MACROD2: variants seen among roughly 807,000 people sequenced by gnomAD.
MACROD2 encodes the protein ADP-ribose glycohydrolase MACROD2.
In MACROD2, 36 loss-of-function variants were observed where a neutral mutation model predicts 70.4. That is an observed-to-expected ratio of 0.51 (90% CI 0.39 to 0.68). The LOEUF is 0.68. Ranked by LOEUF, MACROD2 falls within the 30% of genes least tolerant of loss-of-function variation. The pLI, the probability that MACROD2 is intolerant of heterozygous loss-of-function variation, is 0.00. For missense variants in MACROD2, 496 were observed against 538.4 expected (o/e 0.92, Z 0.78); for synonymous variants, 172 against 178.8 (o/e 0.96, Z 0.30).
intron 8 of MACROD2, among the ~76,000 whole-genome samples, chr20:15,733,456 G>C (rs903256478): frequency 2.0e-5 from 3 of 151,852 alleles, no homozygotes; most frequent in African/African-American, 7.3e-5. Flanking sequence ...GCTGATTTTA[G>C]ATCTTTCTTT....
chr20:14,113,439 G>T (rs1451370384), intron 3 of MACROD2, among the ~76,000 whole-genome samples: 2 of 151,968 alleles, frequency 1.3e-5, no homozygotes, highest in Non-Finnish European at 2.9e-5. Flanking sequence ...AATTATCAGA[G>T]AATTATGTTT....
At chr20:15,776,129 T>A (rs1161993850) in intron 8 of MACROD2, among the ~76,000 whole-genome samples, 1 of 152,148 alleles carries the variant, frequency 6.6e-6, no homozygotes, top group African/African-American at 2.4e-5. Context: ...AAATACAGAT[T>A]TCTGGCTTCT....
chr20:15,505,073 T>C (rs944543923), intron 8 of MACROD2, among the ~76,000 whole-genome samples: 1 of 152,222 alleles, frequency 6.6e-6, no homozygotes, highest in Non-Finnish European at 1.5e-5. Flanking sequence ...ATATGGCATT[T>C]GGCTATTGGT....
chr20:15,234,012 C>CTTTTTTTTTTTTT (rs1177498607), intron 6 of MACROD2, among the ~76,000 whole-genome samples: 6 of 29,184 alleles, frequency 2.1e-4, no homozygotes, highest in Non-Finnish European at 3.5e-4. Context: ...TATATATATT[C>CTTTTTTTTTTTTT]TTTTTTTTTT....
intron 5 of MACROD2, among the ~76,000 whole-genome samples, chr20:14,946,388 G>T (rs986593142): frequency 1.3e-5 from 2 of 151,956 alleles, no homozygotes; most frequent in African/African-American, 4.8e-5. Context: ...TAAAGAAGAT[G>T]ATATATATCA....
intron 8 of MACROD2, among the ~76,000 whole-genome samples, chr20:15,825,669 A>G (rs1484712583): frequency 2.6e-5 from 4 of 152,122 alleles, no homozygotes; most frequent in African/African-American, 9.7e-5. Flanking sequence ...GATAGATACT[A>G]ATGATATGTA....
chr20:14,413,195 G>GTTT (rs11087089), intron 3 of MACROD2, among the ~76,000 whole-genome samples: 1 of 145,302 alleles, frequency 6.9e-6, no homozygotes, highest in Non-Finnish European at 1.5e-5. Context: ...CTTTACCACT[G>GTTT]TTTTTTTTTT....
At chr20:14,010,758 A>G (rs1425431015) in intron 2 of MACROD2, among the ~76,000 whole-genome samples, 1 of 151,798 alleles carries the variant, frequency 6.6e-6, no homozygotes, top group Non-Finnish European at 1.5e-5. Flanking sequence ...TTAGCTCTTG[A>G]ATTTCTCCAG....
At chr20:15,898,972 ATG>A (rs982353093) in intron 10 of MACROD2, among the ~76,000 whole-genome samples, 3 of 151,678 alleles carry the variant, frequency 2.0e-5, no homozygotes, top group South Asian at 2.1e-4. Flanking sequence ...ACATACCTAT[ATG>A]TGTGTGTGCA....
chr20:15,928,858 A>G (rs1422733806), intron 10 of MACROD2, among the ~76,000 whole-genome samples: 3 of 152,218 alleles, frequency 2.0e-5, no homozygotes, highest in Non-Finnish European at 2.9e-5. Flanking sequence ...TCAAATATGT[A>G]CCTTCTAGAG....
At chr20:14,557,723 A>G (rs1979131640) in intron 4 of MACROD2, among the ~76,000 whole-genome samples, 1 of 151,862 alleles carries the variant, frequency 6.6e-6, no homozygotes, top group African/African-American at 2.4e-5. Flanking sequence ...GACAGATAAT[A>G]AGAATTGTTG....
intron 8 of MACROD2, among the ~76,000 whole-genome samples, chr20:15,764,075 C>T (rs374768962): frequency 1.3e-5 from 2 of 152,264 alleles, no homozygotes; most frequent in East Asian, 3.9e-4. Context: ...AAGTGGCCAG[C>T]CAGTTGAAAC....
intron 15 of MACROD2, among the ~76,000 whole-genome samples, chr20:16,023,658 G>A (rs1469102963): frequency 3.3e-5 from 5 of 152,000 alleles, no homozygotes; most frequent in African/African-American, 1.2e-4. Context: ...TGAGCAGACT[G>A]TCATTGTTAG....
At chr20:15,640,930 A>G (rs2049450424) in intron 8 of MACROD2, among the ~76,000 whole-genome samples, 1 of 152,192 alleles carries the variant, frequency 6.6e-6, no homozygotes, top group Non-Finnish European at 1.5e-5. Flanking sequence ...AGCTGGGCTT[A>G]TTGGAAGCTT....
intron 6 of MACROD2, among the ~76,000 whole-genome samples, chr20:15,327,296 T>G (rs975664300): frequency 1.3e-5 from 2 of 152,162 alleles, no homozygotes; most frequent in African/African-American, 2.4e-5. Flanking sequence ...GGATTGCACC[T>G]CTCACATGAT....
At chr20:14,426,063 G>T (rs2083929214) in intron 3 of MACROD2, among the ~76,000 whole-genome samples, 1 of 152,040 alleles carries the variant, frequency 6.6e-6, no homozygotes, top group South Asian at 2.1e-4. Context: ...TTTGATGTGG[G>T]TTTATTTCTA....
intron 4 of MACROD2, among the ~76,000 whole-genome samples, chr20:14,647,458 T>A (rs372686746): frequency 1.3e-5 from 2 of 152,258 alleles, no homozygotes; most frequent in East Asian, 3.9e-4. Flanking sequence ...TTCAAAAAAA[T>A]AATACTAACT....
intron 6 of MACROD2, among the ~76,000 whole-genome samples, chr20:15,271,297 C>A (rs1011618049): frequency 1.3e-5 from 2 of 152,144 alleles, no homozygotes; most frequent in African/African-American, 4.8e-5. Flanking sequence ...CTGTCTGGGG[C>A]CTATTTTAGA....
At chr20:15,407,101 T>G (rs2046013318) in intron 6 of MACROD2, among the ~76,000 whole-genome samples, 1 of 152,224 alleles carries the variant, frequency 6.6e-6, no homozygotes, top group African/African-American at 2.4e-5. Context: ...CAGCACCTGC[T>G]ATCGGTACCT....
Sources: allele counts gnomAD v4.1 joint callset (sites outside exome capture counted in the v4.1 genomes callset), GRCh38; gene constraint gnomAD v4.1.1; transcripts MANE v1.5; gene names NCBI Gene and HGNC (gene_info 2026-07-23, HGNC 2026-07-21).